SCN1B: variants seen among roughly 807,000 people sequenced by gnomAD.
SCN1B encodes sodium channel regulatory subunit beta-1.
SCN1B carries 11 observed loss-of-function variants against 25.7 expected under a neutral mutation model. The observed-to-expected ratio is 0.43, with a 90% CI of 0.27 to 0.71. The LOEUF is 0.71. SCN1B is among the 30% of genes least tolerant of loss of function. The probability of loss-of-function intolerance (pLI) is 0.21; values close to 1 mark genes in which losing one functional copy is unlikely to be tolerated. For synonymous variants in SCN1B, 119 were observed against 117.5 expected, an observed-to-expected ratio of 1.01 and a Z score of -0.08; for missense variants, 224 against 291.5, an observed-to-expected ratio of 0.77 and a Z score of 1.69.
intron 3 of SCN1B, chr19:35,037,334 G>GCA (rs1175798541): frequency 6.6e-6 from 1 of 152,214 alleles, no homozygotes; most frequent in Admixed American, 6.5e-5. Context: ...ATGCCTTGAG[G>GCA]CACAGCAGCG....
chr19:35,030,784 C>G lies in SCN1B; in HGVS notation c.-37C>G. 1 of 906,902 alleles carries G rather than the reference C, an allele frequency of 1.1e-6. No homozygotes were observed. The highest frequency in any genetic ancestry group is 1.5e-6 in the Non-Finnish European group (1 of 677,180). The allele number at this position is 906,902 out of a possible 1,614,324, so 56.2% of individuals were successfully genotyped here. A position where few individuals can be genotyped will look rare whatever the true frequency, so the allele number is the denominator to read the frequency against. ...CCTCTCGCCCCGCTATTAATACCGG[C>G]GGCCCGGGAGGGGGGCGCAGCACGC... is the stretch of plus-strand genomic sequence containing the variant. On this transcript the variant is annotated 5_prime_UTR_variant, in exon 1 of 6. Coordinates refer to ENST00000262631, the MANE Select transcript of SCN1B (RefSeq NM_001037.5).
intron 3 of SCN1B, 65 bp from the exon 4 acceptor site, chr19:35,039,052 C>T (rs2064265711): frequency 1.3e-6 from 2 of 1,594,212 alleles, no homozygotes; most frequent in Non-Finnish European, 1.7e-6. Flanking sequence ...ACACAGCAAG[C>T]TCACAGCACA....
At chr19:35,033,370 G>A (rs1052189808) in intron 2 of SCN1B, 129 bp from the exon 3 acceptor site, 2 of 1,547,676 alleles carry the variant, frequency 1.3e-6, no homozygotes, top group African/African-American at 2.7e-5. Flanking sequence ...CCCTGCCTGA[G>A]GTCAAGGTGT....
chr19:35,034,468 C>A, intron 3 of SCN1B: 1 of 268,568 alleles, frequency 3.7e-6, no homozygotes, highest in Non-Finnish European at 7.2e-6. Flanking sequence ...CCTCAGCCAC[C>A]CTGGACCCCT....
intron 4 of SCN1B, 78 bp from the exon 5 acceptor site, chr19:35,039,557 C>CCGCT: frequency 6.9e-7 from 1 of 1,447,656 alleles, no homozygotes; most frequent in Non-Finnish European, 9.7e-7. Context: ...GGGGTGGAGA[C>CCGCT]CGCTACCTTC....
intron 4 of SCN1B, 183 bp downstream of exon 4, chr19:35,039,441 C>T: frequency 1.0e-6 from 1 of 1,003,272 alleles, no homozygotes; most frequent in Non-Finnish European, 1.5e-6. Flanking sequence ...CCAGCCCCTT[C>T]CTCCCTCCAA....
Position 35,032,685 on chromosome 19 carries a change from G to A in SCN1B, c.198G>A (p.Glu66=). The change falls in exon 2 of 6, where the codon GAG becomes GAA. Residue 66 remains glutamate (E), a synonymous_variant. Transcript: ENST00000262631. The surrounding 1 kb of genome is among the most constrained non-coding windows in gnomAD (Gnocchi z 4.3). Reference sequence around the variant, plus strand: ...CCTTCCGCCAGAAGGGCACTGAGGAGTTTGTCAAGGTGTGCGGGTGCCGGG... The same window carrying A: ...CCTTCCGCCAGAAGGGCACTGAGGAATTTGTCAAGGTGTGCGGGTGCCGGG... ...EWTFRQKGTE[E]FVKILRYENE... The A allele has an allele frequency of 6.2e-7, 1 of 1,613,948 alleles. No homozygotes were observed. Among genetic ancestry groups the A allele is most frequent in the Non-Finnish European group, 8.5e-7 (1 of 1,180,032 alleles).
At position 35,030,801 on chromosome 19, in the gene SCN1B, G is replaced by T; in HGVS notation, c.-20G>T. 9.6e-7 allele frequency: 1 copy of T among 1,044,686 alleles called. No homozygotes were observed. Among genetic ancestry groups the T allele is most frequent in the Non-Finnish European group, 1.2e-6 (1 of 815,738 alleles). The allele number at this position is 1,044,686 out of a possible 1,614,324, so 64.7% of individuals were successfully genotyped here. A position where few individuals can be genotyped will look rare whatever the true frequency, so the allele number is the denominator to read the frequency against. ...AATACCGGCGGCCCGGGAGGGGGGCGCAGCACGCGCCGCGCAGCCATGGGG... is the reference window on the plus strand; with the variant it reads ...AATACCGGCGGCCCGGGAGGGGGGCTCAGCACGCGCCGCGCAGCCATGGGG... On this transcript the variant is annotated 5_prime_UTR_variant, in exon 1 of 6. Transcript: ENST00000262631.
Position 35,039,664 on chromosome 19 carries a change from G to A in SCN1B, c.620G>A (p.Ser207Asn). ...GAATACCTGGCCATCACCTCTGAAA[G>A]CAAAGAGAACTGCACGGGCGTCCAG... ...ASEYLAITSE[S>N]KENCTGVQVA... Residue 207 changes from serine to asparagine, a missense_variant, in exon 5 of 6, where the codon AGC becomes AAC. Transcript: ENST00000262631. 6.2e-7 allele frequency: 1 copy of A among 1,614,208 alleles called. No homozygotes were observed. The highest frequency in any genetic ancestry group is 1.3e-5 in the African/African-American group (1 of 75,060).
chr19:35,036,526 G>A (rs544417581), intron 3 of SCN1B: 1 of 151,658 alleles, frequency 6.6e-6, no homozygotes, highest in South Asian at 2.1e-4. Context: ...TGCACCTCCC[G>A]GGCTCAAGCG....
chr19:35,034,364 A>C (rs975815640), intron 3 of SCN1B: 6 of 513,490 alleles, frequency 1.2e-5, no homozygotes, highest in Non-Finnish European at 1.4e-5. Flanking sequence ...GTCCTTTCTA[A>C]AGCTCTCAGG....
At chr19:35,037,449 T>G (rs915040600) in intron 3 of SCN1B, 3 of 152,148 alleles carry the variant, frequency 2.0e-5, no homozygotes, top group African/African-American at 7.2e-5. Flanking sequence ...GGCACTGAGT[T>G]CCAGGAGTGG....
At position 35,033,543 on chromosome 19, in the gene SCN1B, G is replaced by A. The variant is rs761825754; in HGVS notation, c.252G>A (p.Glu84=). The change falls in exon 3 of 6, where the codon GAG becomes GAA. Residue 84 remains glutamate, a synonymous_variant. Transcript: ENST00000262631. ...AGGTGTTGCAGCTGGAGGAGGATGA[G>A]CGCTTCGAGGGCCGCGTGGTGTGGA... ...ENEVLQLEED[E]RFEGRVVWNG... 3.7e-6 allele frequency: 6 copies of A among 1,614,020 alleles called. No homozygotes were observed. The highest frequency in any genetic ancestry group is 5.1e-6 in the Non-Finnish European group (6 of 1,179,960).
intron 3 of SCN1B, chr19:35,034,411 TC>T: frequency 2.4e-6 from 1 of 416,690 alleles, no homozygotes; most frequent in Non-Finnish European, 4.4e-6. Flanking sequence ...GGGCCCACCC[TC>T]TGAGCAGCAA....
At chr19:35,031,053 C>T (rs967347602) in intron 1 of SCN1B, among the ~76,000 whole-genome samples, 193 bp downstream of exon 1, 2 of 151,810 alleles carry the variant, frequency 1.3e-5, no homozygotes, top group African/African-American at 4.8e-5. Flanking sequence ...TGAGGGTGGG[C>T]TCCAGCGGGT....
In SCN1B at chr19:35,039,828, C is replaced by G. The variant is rs572446062; in HGVS notation, c.*37C>G. 9 of 1,017,350 alleles carry G rather than the reference C, an allele frequency of 8.8e-6. No individual in the cohort carries two copies. Among genetic ancestry groups the G allele is most frequent in the Non-Finnish European group, 1.2e-5 (8 of 677,226 alleles). The allele number at this position is 1,017,350 out of a possible 1,614,324, so 63.0% of individuals were successfully genotyped here. On this transcript the variant is annotated 3_prime_UTR_variant, in exon 6 of 6. Coordinates refer to ENST00000262631, the MANE Select transcript of SCN1B (RefSeq NM_001037.5). ...GGCCCCGCCTCAAGGAAGAGCCAGC[C>G]GTAATGGGGACTCTCCAGGCACCGC...
In SCN1B at chr19:35,032,906, G is replaced by T. The variant is rs117187058; in HGVS notation, c.207+212G>T. Among the ~76,000 whole-genome samples, 352 of 152,350 alleles carry T rather than the reference G, an allele frequency of 2.3e-3. 8 individuals are homozygous for T. Among genetic ancestry groups the T allele is most frequent in the Admixed American group, 0.018 (270 of 15,304 alleles). ...CAGTTTCCTCCTCGGTAAAGACGGG[G>T]TGGCGGTGGTCTCTAGCCCATAGGT... On this transcript the variant is annotated intron_variant, in intron 2 of 5. Coordinates refer to ENST00000262631, the MANE Select transcript of SCN1B (RefSeq NM_001037.5). The surrounding 1 kb of genome is among the most constrained non-coding windows in gnomAD (Gnocchi z 4.3).
chr19:35,039,089 C>T (rs1337980086), intron 3 of SCN1B, 28 bp from the exon 4 acceptor site: 1 of 1,613,836 alleles, frequency 6.2e-7, no homozygotes. Flanking sequence ...GCCTGGGCTA[C>T]CCCCTTAACC....
At position 35,033,641 on chromosome 19, in the gene SCN1B, G is replaced by A. The variant is rs1313744180; in HGVS notation, c.350G>A (p.Gly117Asp). ...FITNVTYNHS[G>D]DYECHVYRLL... ...ACCAATGTCACCTACAACCACTCGGGCGACTACGAGTGCCACGTCTACCGC... is the reference window on the plus strand; with the variant it reads ...ACCAATGTCACCTACAACCACTCGGACGACTACGAGTGCCACGTCTACCGC... Residue 117 changes from glycine to aspartate, a missense_variant, in exon 3 of 6, where the codon GGC becomes GAC. This residue lies in a region of SCN1B where 126 missense variants were observed against 204.9 expected (regional missense o/e 0.61). Transcript: ENST00000262631. 1 of 1,614,072 alleles carries A rather than the reference G, an allele frequency of 6.2e-7. No homozygotes were observed. Among genetic ancestry groups the A allele is most frequent in the Non-Finnish European group, 8.5e-7 (1 of 1,180,046 alleles).
Sources: allele counts gnomAD v4.1 joint callset (sites outside exome capture counted in the v4.1 genomes callset), GRCh38; gene constraint gnomAD v4.1.1; regional missense constraint gnomAD v4.1.1; non-coding constraint Gnocchi (gnomAD v3.1); transcripts MANE v1.5; gene names NCBI Gene and HGNC (gene_info 2026-07-23, HGNC 2026-07-21).